The following SNTG2 variants were observed in gnomAD, a reference collection of about 807,000 sequenced individuals.
SNTG2 encodes syntrophin gamma 2.
A neutral mutation model predicts 70.9 loss-of-function variants in SNTG2; 74 were observed. The ratio of observed to expected loss-of-function variants is 1.04; its 90% confidence interval spans 0.86 to 1.27. The LOEUF (loss-of-function observed/expected upper bound fraction) is 1.27, where lower values mean the gene tolerates loss of function less well. Ranked by LOEUF, SNTG2 falls within the 50% of genes most tolerant of loss-of-function variation. The pLI, the probability that SNTG2 is intolerant of heterozygous loss-of-function variation, is 0.00. For synonymous variants in SNTG2, 278 were observed against 273.8 expected (o/e 1.02, Z -0.15); for missense variants, 717 against 690.7 (o/e 1.04, Z -0.43).
chr2:1,248,843 C>A (rs1407654740), intron 12 of SNTG2, among the ~76,000 whole-genome samples: 2 of 152,176 alleles, frequency 1.3e-5, no homozygotes, highest in Non-Finnish European at 2.9e-5. Flanking sequence ...ACCTGTGTGG[C>A]CTGTTTACCA....
chr2:1,360,348 C>T (rs1479962035), intron 16 of SNTG2, among the ~76,000 whole-genome samples: 1 of 152,158 alleles, frequency 6.6e-6, no homozygotes, highest in Non-Finnish European at 1.5e-5. Flanking sequence ...AGCATGCCTC[C>T]CTCTCTGCCC....
intron 1 of SNTG2, among the ~76,000 whole-genome samples, chr2:986,561 C>G: frequency 6.6e-6 from 1 of 152,350 alleles, no homozygotes; most frequent in East Asian, 1.9e-4. Context: ...CTGGACAGCT[C>G]AGGATCCCCT....
At chr2:1,127,418 G>T (rs903138462) in intron 4 of SNTG2, among the ~76,000 whole-genome samples, 1 of 152,062 alleles carries the variant, frequency 6.6e-6, no homozygotes, top group African/African-American at 2.4e-5. Context: ...TGTTTCTCAG[G>T]ATTGCTTTGG....
At chr2:1,294,161 A>G (rs1313264492) in intron 14 of SNTG2, among the ~76,000 whole-genome samples, 1 of 152,050 alleles carries the variant, frequency 6.6e-6, no homozygotes, top group Non-Finnish European at 1.5e-5. Flanking sequence ...TTTTTGGAGG[A>G]GATGGAATGG....
chr2:1,156,433 T>G (rs1026903779), intron 6 of SNTG2, among the ~76,000 whole-genome samples: 1 of 152,060 alleles, frequency 6.6e-6, no homozygotes, highest in Admixed American at 6.6e-5. Flanking sequence ...AGGTGGAGGC[T>G]TCAGTGAAGA....
chr2:1,227,276 T>TGG (rs1675853499), intron 9 of SNTG2, among the ~76,000 whole-genome samples: 1 of 152,256 alleles, frequency 6.6e-6, no homozygotes, highest in Non-Finnish European at 1.5e-5. Flanking sequence ...TGCATTTATT[T>TGG]CCAAGCAGGA....
intron 1 of SNTG2, among the ~76,000 whole-genome samples, chr2:1,035,757 T>C (rs1363241184): frequency 1.3e-5 from 2 of 152,214 alleles, no homozygotes; most frequent in Non-Finnish European, 2.9e-5. Context: ...ATATCTAAAG[T>C]CTTTTATTTT....
chr2:1,031,528 A>ATATATATATATATATATTTTTTTTT, intron 1 of SNTG2, among the ~76,000 whole-genome samples: 24 of 59,094 alleles, frequency 4.1e-4, no homozygotes, highest in Non-Finnish European at 6.9e-4. Flanking sequence ...ATATATATAT[A>ATATATATATATATATATTTTTTTTT]TTTTTTTTTT....
chr2:1,183,226 A>G (rs1478221123), intron 8 of SNTG2, among the ~76,000 whole-genome samples: 3 of 143,474 alleles, frequency 2.1e-5, no homozygotes, highest in African/African-American at 7.5e-5. Flanking sequence ...CTGTATGCTC[A>G]TAACACAATG....
At chr2:1,203,893 T>C (rs2147976939) in intron 8 of SNTG2, among the ~76,000 whole-genome samples, 1 of 152,202 alleles carries the variant, frequency 6.6e-6, no homozygotes, top group South Asian at 2.1e-4. Flanking sequence ...GATGACAGCA[T>C]AGCAACGTTA....
chr2:1,229,162 G>A lies in SNTG2; in HGVS notation c.720-8726G>A, dbSNP rs1273579989. Among the ~76,000 whole-genome samples, 4 of 152,284 alleles carry A rather than the reference G, an allele frequency of 2.6e-5. No homozygotes were observed. The East Asian group carries it at 7.7e-4, about 29-fold the overall frequency. Reference sequence around the variant, plus strand: ...GGGACCGGAGCGGGTTGCCACTGCTGGCTTGGGCAGCCTGCTTTTATTCTC... The same window carrying A: ...GGGACCGGAGCGGGTTGCCACTGCTAGCTTGGGCAGCCTGCTTTTATTCTC... On this transcript the variant is annotated intron_variant, in intron 9 of 16. Transcript: ENST00000308624.
intron 1 of SNTG2, among the ~76,000 whole-genome samples, chr2:1,031,946 A>G (rs549360989): frequency 1.8e-4 from 27 of 152,292 alleles, no homozygotes; most frequent in Non-Finnish European, 2.9e-4. Flanking sequence ...GAAATGTTCT[A>G]AAATTAGCAG....
chr2:1,151,926 T>C (rs1310379001), intron 6 of SNTG2, among the ~76,000 whole-genome samples: 1 of 152,214 alleles, frequency 6.6e-6, no homozygotes, highest in Non-Finnish European at 1.5e-5. Context: ...ACAGATTTGC[T>C]CAATTCTAAG....
At chr2:1,223,494 C>T (rs1198578456) in intron 9 of SNTG2, among the ~76,000 whole-genome samples, 2 of 152,246 alleles carry the variant, frequency 1.3e-5, no homozygotes, top group African/African-American at 4.8e-5. Context: ...ATCCTGGGAT[C>T]CCTGTGCTCC....
intron 7 of SNTG2, among the ~76,000 whole-genome samples, chr2:1,171,444 A>G (rs1671118319): frequency 6.6e-6 from 1 of 152,174 alleles, no homozygotes; most frequent in Admixed American, 6.5e-5. Context: ...CCAATTACTG[A>G]TAAGGTGATT....
intron 4 of SNTG2, among the ~76,000 whole-genome samples, chr2:1,109,613 A>G (rs1216351359): frequency 6.6e-6 from 1 of 152,220 alleles, no homozygotes; most frequent in Non-Finnish European, 1.5e-5. Flanking sequence ...CTTTACTTGT[A>G]CACTTAGATT....
In SNTG2 at chr2:1,267,548, T is replaced by C; in HGVS notation, c.1261T>C (p.Phe421Leu). 1 of 1,613,070 alleles carries C rather than the reference T, an allele frequency of 6.2e-7. No individual in the cohort carries two copies. Among genetic ancestry groups the C allele is most frequent in the Non-Finnish European group, 8.5e-7 (1 of 1,179,880 alleles). ...MWEKSFQRAT[F>L]MEVQRTGSRT... ...GGAGAAGTCCTTCCAAAGAGCCACG[T>C]TCATGGAAGTTCAGAGAACCGGGGT... The change falls in exon 14 of 17, where the codon TTC becomes CTC. Residue 421 changes from phenylalanine (F) to leucine (L), a missense_variant. Physicochemically the swap from Phe to Leu is conservative, Grantham distance 22 (BLOSUM62 0). Coordinates refer to ENST00000308624, the MANE Select transcript of SNTG2 (RefSeq NM_018968.4).
intron 9 of SNTG2, among the ~76,000 whole-genome samples, chr2:1,226,643 A>G (rs1248766620): frequency 6.6e-6 from 1 of 151,990 alleles, no homozygotes; most frequent in Non-Finnish European, 1.5e-5. Context: ...GACTGAACTG[A>G]GAGAAAAGGT....
At chr2:1,042,870 C>T (rs890312740) in intron 1 of SNTG2, among the ~76,000 whole-genome samples, 2 of 152,074 alleles carry the variant, frequency 1.3e-5, no homozygotes, top group Admixed American at 1.3e-4. Flanking sequence ...ATTTGCATTC[C>T]CTTGTGTATA....
Sources: allele counts gnomAD v4.1 joint callset (sites outside exome capture counted in the v4.1 genomes callset), GRCh38; gene constraint gnomAD v4.1.1; transcripts MANE v1.5; gene names NCBI Gene and HGNC (gene_info 2026-07-23, HGNC 2026-07-21).